LGR5: variants seen among roughly 807,000 people sequenced by gnomAD.
LGR5 encodes the protein leucine rich repeat containing G protein-coupled receptor 5.
Under a neutral mutation model 76.7 loss-of-function variants are expected in LGR5, and 54 were observed. The ratio of observed to expected loss-of-function variants is 0.70; its 90% CI spans 0.57 to 0.88. The LOEUF (loss-of-function observed/expected upper bound fraction) is 0.88, where lower values mean the gene tolerates loss of function less well. Among genes scored for constraint, LGR5 ranks in the 40% least tolerant of loss-of-function variants. LGR5 has a pLI of 0.00. For missense variants in LGR5, 1,078 were observed against 1,073.3 expected, an observed-to-expected ratio of 1.00 and a Z score of -0.06; for synonymous variants, 406 against 421.9, an observed-to-expected ratio of 0.96 and a Z score of 0.46.
chr12:71,493,414 T>C (rs1874167222), intron 1 of LGR5, among the ~76,000 whole-genome samples: 1 of 151,378 alleles, frequency 6.6e-6, no homozygotes. Context: ...TTTTTGTGTA[T>C]TTTCTTTGCA....
At chr12:71,446,384 T>C (rs912987400) in intron 1 of LGR5, among the ~76,000 whole-genome samples, 1 of 152,224 alleles carries the variant, frequency 6.6e-6, no homozygotes, top group Non-Finnish European at 1.5e-5. Flanking sequence ...TAATAACTGA[T>C]AGTTGTATTG....
intron 1 of LGR5, among the ~76,000 whole-genome samples, chr12:71,452,162 T>C (rs1216811488): frequency 6.6e-6 from 1 of 152,212 alleles, no homozygotes; most frequent in Admixed American, 6.5e-5. Context: ...AGCCCAGAGC[T>C]TTCCTGTGTG....
chr12:71,583,922 C>T lies in LGR5; in HGVS notation c.1912C>T (p.His638Tyr), dbSNP rs1879201110. Reference sequence around the variant, plus strand: ...CTGGTGGGAGAATGGGGTTGGTTGCCATGTCATTGGTTTTTTGTCCATTTT... The same window carrying T: ...CTGGTGGGAGAATGGGGTTGGTTGCTATGTCATTGGTTTTTTGTCCATTTT... Reference protein sequence around the residue: ...GAWWENGVGCHVIGFLSIFAS... With the variant: ...GAWWENGVGCYVIGFLSIFAS... The change falls in exon 18 of 18, where the codon CAT (histidine) becomes TAT (tyrosine). Residue 638 changes from histidine (H) to tyrosine (Y), a missense_variant. Transcript: ENST00000266674. The T allele has an allele frequency of 5.6e-6, 9 of 1,614,134 alleles. No homozygotes were observed. Among genetic ancestry groups the T allele is most frequent in the Non-Finnish European group, 7.6e-6 (9 of 1,180,024 alleles).
intron 5 of LGR5, among the ~76,000 whole-genome samples, chr12:71,553,511 GATAATGAA>G (rs1437734731): frequency 6.6e-6 from 1 of 152,098 alleles, no homozygotes; most frequent in Non-Finnish European, 1.5e-5. Flanking sequence ...GGCATACAAA[GATAATGAA>G]ATATGACCTG....
chr12:71,468,459 T>C (rs148848968), intron 1 of LGR5, among the ~76,000 whole-genome samples: 4 of 152,308 alleles, frequency 2.6e-5, no homozygotes, highest in African/African-American at 9.6e-5. Context: ...GCTAAAGCCT[T>C]CCCTCTTGAA....
At chr12:71,494,237 C>A (rs866503273) in intron 1 of LGR5, among the ~76,000 whole-genome samples, 3 of 150,652 alleles carry the variant, frequency 2.0e-5, no homozygotes, top group Non-Finnish European at 4.4e-5. Flanking sequence ...TGAGCCACTG[C>A]GCCCGGCCTT....
At chr12:71,504,584 T>A (rs1202546740) in intron 1 of LGR5, 30 bp from the exon 2 acceptor site, 1 of 1,587,166 alleles carries the variant, frequency 6.3e-7, no homozygotes. Context: ...CATTTGCTGC[T>A]CCTCACACGC....
chr12:71,474,853 A>G (rs1873257598), intron 1 of LGR5, among the ~76,000 whole-genome samples: 1 of 152,236 alleles, frequency 6.6e-6, no homozygotes, highest in Admixed American at 6.5e-5. Context: ...GAGGAAAAAT[A>G]CATCATAGCA....
At chr12:71,555,628 A>G (rs899805560) in intron 5 of LGR5, among the ~76,000 whole-genome samples, 2 of 152,176 alleles carry the variant, frequency 1.3e-5, no homozygotes, top group Non-Finnish European at 2.9e-5. Flanking sequence ...TGTGCTTGCT[A>G]CATCTATCCT....
intron 4 of LGR5, among the ~76,000 whole-genome samples, chr12:71,539,057 A>C (rs371135912): frequency 6.6e-6 from 1 of 152,176 alleles, no homozygotes; most frequent in Non-Finnish European, 1.5e-5. Context: ...TCACCCTGCT[A>C]TTCAGATTTG....
At chr12:71,524,048 G>A (rs1435860320) in intron 2 of LGR5, among the ~76,000 whole-genome samples, 1 of 152,144 alleles carries the variant, frequency 6.6e-6, no homozygotes, top group African/African-American at 2.4e-5. Flanking sequence ...AAGAATAGTT[G>A]TAAAACTCGT....
At position 71,561,808 on chromosome 12, in the gene LGR5, G is replaced by A. The variant is rs149089340; in HGVS notation, c.813G>A (p.Ser271=). ...ELGFHSNNIR[S]IPEKAFVGNP... ...GATTTCATAGCAACAATATCAGGTC[G>A]ATACCTGAGAAAGCATTTGTAGGCA... The change falls in exon 8 of 18, where the codon TCG becomes TCA. Residue 271 remains serine, a synonymous_variant. Coordinates refer to ENST00000266674, the MANE Select transcript of LGR5 (RefSeq NM_003667.4). 4.4e-6 allele frequency: 7 copies of A among 1,604,040 alleles called. No homozygotes were observed. Among genetic ancestry groups the A allele is most frequent in the Admixed American group, 3.4e-5 (2 of 59,502 alleles).
At chr12:71,580,878 G>A (rs891166556) in intron 16 of LGR5, among the ~76,000 whole-genome samples, 5 of 152,090 alleles carry the variant, frequency 3.3e-5, no homozygotes, top group Non-Finnish European at 7.4e-5. Flanking sequence ...AGCAAATTGT[G>A]AATAAATCCC....
At chr12:71,528,518 G>A (rs948293072) in intron 3 of LGR5, among the ~76,000 whole-genome samples, 1 of 151,938 alleles carries the variant, frequency 6.6e-6, no homozygotes, top group African/African-American at 2.4e-5. Context: ...TACCTCAAAA[G>A]CCACAAACCA....
intron 2 of LGR5, among the ~76,000 whole-genome samples, chr12:71,524,131 A>G (rs552019946): frequency 6.6e-6 from 1 of 152,344 alleles, no homozygotes; most frequent in Admixed American, 6.5e-5. Flanking sequence ...AAAATTGTTT[A>G]AAGGACAGTT....
At chr12:71,550,342 G>T (rs1474256991) in intron 4 of LGR5, among the ~76,000 whole-genome samples, 1 of 150,652 alleles carries the variant, frequency 6.6e-6, no homozygotes, top group East Asian at 2.0e-4. Context: ...GTAGAGATGG[G>T]GTTTCACCGT....
chr12:71,475,858 G>A (rs1873311098), intron 1 of LGR5, among the ~76,000 whole-genome samples: 1 of 152,148 alleles, frequency 6.6e-6, no homozygotes, highest in South Asian at 2.1e-4. Context: ...TTAAATCTGA[G>A]AGGACAATGA....
intron 1 of LGR5, among the ~76,000 whole-genome samples, chr12:71,481,387 G>A (rs1288868608): frequency 1.3e-5 from 2 of 152,072 alleles, no homozygotes; most frequent in Non-Finnish European, 2.9e-5. Flanking sequence ...GAGAATGATG[G>A]CTTCTAGCTT....
chr12:71,455,333 T>C (rs1457328215), intron 1 of LGR5, among the ~76,000 whole-genome samples: 1 of 152,164 alleles, frequency 6.6e-6, no homozygotes, highest in Non-Finnish European at 1.5e-5. Context: ...AAGTCTCTCC[T>C]AATTCAGTCA....
Sources: gnomAD v4.1 joint callset for allele counts (sites outside exome capture counted in the v4.1 genomes callset) on GRCh38, gnomAD v4.1.1 for gene constraint, MANE v1.5 for transcripts, NCBI Gene and HGNC (gene_info 2026-07-23, HGNC 2026-07-21) for gene names.